The following RARB variants were observed in gnomAD, a reference collection of about 807,000 sequenced individuals.
RARB encodes the protein HBV-activated protein.
A neutral mutation model predicts 51.9 loss-of-function variants in RARB; 17 were observed. The observed-to-expected ratio is 0.33, with a 90% CI of 0.22 to 0.49. The LOEUF (loss-of-function observed/expected upper bound fraction) is 0.49. Ranked by LOEUF, RARB falls within the 20% of genes least tolerant of loss-of-function variation. The pLI is 0.99. For missense variants in RARB, 369 were observed against 550.8 expected, an observed-to-expected ratio of 0.67 and a Z score of 3.30; for synonymous variants, 215 against 195.4, an observed-to-expected ratio of 1.10 and a Z score of -0.84.
At chr3:25,482,050 G>A (rs1696249302) in intron 2 of RARB, among the ~76,000 whole-genome samples, 1 of 152,170 alleles carries the variant, frequency 6.6e-6, no homozygotes, top group Admixed American at 6.5e-5. Context: ...CTGGCAGCAG[G>A]ACCCAAGCCC....
intron 4 of RARB, among the ~76,000 whole-genome samples, chr3:25,144,284 C>T (rs1293970805): frequency 6.6e-6 from 1 of 152,092 alleles, no homozygotes; most frequent in Non-Finnish European, 1.5e-5. Flanking sequence ...CGAAGAGGCC[C>T]TTCAAATTCT....
intron 5 of RARB, among the ~76,000 whole-genome samples, chr3:25,205,605 C>T (rs1452746407): frequency 6.6e-6 from 1 of 152,126 alleles, no homozygotes; most frequent in African/African-American, 2.4e-5. Context: ...AAAATAAATG[C>T]TTGAGGTGAT....
intron 5 of RARB, among the ~76,000 whole-genome samples, chr3:25,585,171 A>G (rs1426806333): frequency 6.6e-6 from 1 of 152,172 alleles, no homozygotes; most frequent in Admixed American, 6.5e-5. Flanking sequence ...GCTTCCTTTC[A>G]GGCTCTAGAA....
intron 5 of RARB, among the ~76,000 whole-genome samples, chr3:25,269,765 A>G (rs1159737789): frequency 2.0e-5 from 3 of 152,228 alleles, no homozygotes; most frequent in Non-Finnish European, 4.4e-5. Flanking sequence ...AAATGTGTAT[A>G]TTTATAGCCT....
Position 25,515,143 on chromosome 3 carries a change from A to G in RARB, c.448+13820A>G, listed in dbSNP as rs560972239. Among the ~76,000 whole-genome samples, 4 of 152,308 alleles carry G rather than the reference A, an allele frequency of 2.6e-5. No homozygotes were observed. In the East Asian group the frequency reaches 5.8e-4, roughly 22 times the overall value. ...ACGGTGTCCAGGTCTATGGAGTGCA[A>G]AGCCCCATTTTGTTTTTACAAATAG... On this transcript the variant is annotated intron_variant, in intron 3 of 7. Transcript: ENST00000330688.
intron 2 of RARB, among the ~76,000 whole-genome samples, chr3:25,499,345 T>C (rs549698649): frequency 6.6e-6 from 1 of 152,300 alleles, no homozygotes; most frequent in Admixed American, 6.5e-5. Context: ...ATAAGTCACA[T>C]CACAACTGGT....
At chr3:25,133,497 A>T (rs1699984822) in intron 4 of RARB, among the ~76,000 whole-genome samples, 8 of 152,008 alleles carry the variant, frequency 5.3e-5, no homozygotes, top group African/African-American at 1.9e-4. Flanking sequence ...CAAATATGCA[A>T]TTTAAGATCA....
chr3:25,305,565 T>C (rs1396485898), intron 5 of RARB, among the ~76,000 whole-genome samples: 2 of 152,148 alleles, frequency 1.3e-5, no homozygotes, highest in Non-Finnish European at 2.9e-5. Flanking sequence ...AGAAAATGAA[T>C]TGTGGTCTTG....
At chr3:25,040,538 G>C (rs1370626124) in intron 2 of RARB, among the ~76,000 whole-genome samples, 1 of 152,138 alleles carries the variant, frequency 6.6e-6, no homozygotes, top group Non-Finnish European at 1.5e-5. Flanking sequence ...TTCGAGACCA[G>C]CCTGGCCAAC....
rs557340596 is a variant in RARB, at chr3:25,157,718, T to C, written c.-279-16401T>C. On this transcript the variant is annotated intron_variant, in intron 4 of 11. Coordinates refer to the RARB transcript ENST00000383772. ...AGCCCTAAGTATCTATATTAACTCA[T>C]TTGATCTTCTTCACAAATTTGTGTG... Among the ~76,000 whole-genome samples the C allele has an allele frequency of 9.8e-5, 15 of 152,324 alleles. No homozygotes were observed. In the South Asian group the frequency reaches 2.9e-3, roughly 29 times the overall value.
At chr3:25,340,260 C>T (rs1019008476) in intron 5 of RARB, among the ~76,000 whole-genome samples, 8 of 152,048 alleles carry the variant, frequency 5.3e-5, no homozygotes, top group Admixed American at 5.2e-4. Flanking sequence ...CTATACTTAC[C>T]TCATCATGTT....
intron 4 of RARB, among the ~76,000 whole-genome samples, chr3:25,143,146 G>A (rs1222992636): frequency 6.6e-6 from 1 of 151,988 alleles, no homozygotes. Flanking sequence ...TGCCATTCAG[G>A]AGCCTGTACT....
chr3:24,847,644 T>G (rs1280651162), intron 1 of RARB, among the ~76,000 whole-genome samples: 1 of 152,194 alleles, frequency 6.6e-6, no homozygotes, highest in Admixed American at 6.5e-5. Context: ...ATGAAGAGGT[T>G]TCTCACACTG....
At chr3:24,908,835 G>A (rs941035755) in intron 2 of RARB, among the ~76,000 whole-genome samples, 11 of 151,834 alleles carry the variant, frequency 7.2e-5, no homozygotes, top group African/African-American at 1.2e-4. Flanking sequence ...ACTGCTATTT[G>A]AGTAAAATTT....
At chr3:24,968,319 C>A (rs1696322580) in intron 2 of RARB, among the ~76,000 whole-genome samples, 1 of 152,102 alleles carries the variant, frequency 6.6e-6, no homozygotes, top group African/African-American at 2.4e-5. Flanking sequence ...TGACTGGGTA[C>A]AAGATCTTCA....
intron 5 of RARB, among the ~76,000 whole-genome samples, chr3:25,325,713 C>G (rs1423077994): frequency 1.3e-5 from 2 of 150,732 alleles, no homozygotes; most frequent in African/African-American, 4.9e-5. Context: ...CCCCATGCCA[C>G]TGGTTCTTCT....
intron 5 of RARB, among the ~76,000 whole-genome samples, chr3:25,304,377 T>A (rs959553201): frequency 2.0e-5 from 3 of 152,242 alleles, no homozygotes; most frequent in Admixed American, 2.0e-4. Flanking sequence ...TTGCTGATGA[T>A]CCCAAATCTT....
chr3:25,126,489 T>C (rs1699861515), intron 3 of RARB, among the ~76,000 whole-genome samples: 1 of 152,150 alleles, frequency 6.6e-6, no homozygotes, highest in Non-Finnish European at 1.5e-5. Flanking sequence ...ATGGTGCTTT[T>C]GTACCTTTCT....
intron 3 of RARB, among the ~76,000 whole-genome samples, chr3:25,561,738 A>G (rs1700278938): frequency 6.6e-6 from 1 of 152,202 alleles, no homozygotes; most frequent in Non-Finnish European, 1.5e-5. Flanking sequence ...TTTGCTAAAA[A>G]TGTATTGGCT....
Sources: allele counts gnomAD v4.1 joint callset (sites outside exome capture counted in the v4.1 genomes callset), GRCh38; gene constraint gnomAD v4.1.1; transcripts MANE v1.5; gene names NCBI Gene and HGNC (gene_info 2026-07-23, HGNC 2026-07-21).